Variants in DYM observed in about 807,000 individuals in gnomAD.
DYM encodes dymeclin.
In DYM, 78 loss-of-function variants were observed where a neutral mutation model predicts 93.1. That is an observed-to-expected ratio of 0.84 (90% CI 0.70 to 1.01). The LOEUF is 1.01. Among genes scored for constraint, DYM ranks in the 50% least tolerant of loss-of-function variants. The pLI is 0.00. For missense variants in DYM, 789 were observed against 845.0 expected, an observed-to-expected ratio of 0.93 and a Z score of 0.82; for synonymous variants, 321 against 319.7, an observed-to-expected ratio of 1.00 and a Z score of -0.04.
chr18:49,321,141 C>T (rs1049091420), intron 8 of DYM: 1 of 371,210 alleles, frequency 2.7e-6, no homozygotes, highest in Admixed American at 4.5e-5. Flanking sequence ...TCCATAATTT[C>T]AATTTTAATA....
Position 49,039,404 on chromosome 18 carries a change from T to C in DYM, c.*4651A>G, listed in dbSNP as rs890637045. On this transcript the variant is annotated 3_prime_UTR_variant, in exon 18 of 18. Coordinates refer to ENST00000675505, the MANE Select transcript of DYM (RefSeq NM_001353214.3). Reference sequence around the variant, plus strand: ...TGTGGGTTGTTTTTATTTATCCCACTTGGAGTTTGTGGGAGGGATTCTTGA... The same window carrying C: ...TGTGGGTTGTTTTTATTTATCCCACCTGGAGTTTGTGGGAGGGATTCTTGA... 6.6e-6 allele frequency among the ~76,000 whole-genome samples: 1 copy of C among 152,192 alleles called. No individual in the cohort carries two copies. Among genetic ancestry groups the C allele is most frequent in the African/African-American group, 2.4e-5 (1 of 41,460 alleles).
intron 17 of DYM, among the ~76,000 whole-genome samples, chr18:49,080,136 A>C: frequency 4.3e-5 from 1 of 23,400 alleles, no homozygotes; most frequent in Non-Finnish European, 8.0e-5. Flanking sequence ...TCCCTCCCGG[A>C]CGGGGCGGCT....
intron 1 of DYM, among the ~76,000 whole-genome samples, chr18:49,459,403 T>C (rs569350132): frequency 6.6e-5 from 10 of 152,232 alleles, no homozygotes; most frequent in African/African-American, 2.4e-4. Flanking sequence ...TATTCATAAA[T>C]TTCATCCTCT....
intron 15 of DYM, among the ~76,000 whole-genome samples, chr18:49,162,247 C>T (rs2087236591): frequency 1.3e-5 from 2 of 152,140 alleles, no homozygotes; most frequent in Admixed American, 6.5e-5. Context: ...CATTTTCTGT[C>T]GGTTAGAACA....
At chr18:49,183,425 C>T (rs8098271) in intron 14 of DYM, among the ~76,000 whole-genome samples, 6,010 of 152,010 alleles carry the variant, frequency 0.04, 385 homozygotes, top group African/African-American at 0.14. Context: ...CACATCAGTC[C>T]GCTCATCATT....
chr18:49,258,849 G>GAGAGAGAGATAGCAC (rs2094441439), intron 11 of DYM, among the ~76,000 whole-genome samples: 1 of 67,666 alleles, frequency 1.5e-5, no homozygotes, highest in African/African-American at 8.1e-5. Context: ...CAGAGAGAGA[G>GAGAGAGAGATAGCAC]AGAGAGAGAG....
At chr18:49,244,591 T>C (rs1319320716) in intron 13 of DYM, among the ~76,000 whole-genome samples, 1 of 152,178 alleles carries the variant, frequency 6.6e-6, no homozygotes, top group African/African-American at 2.4e-5. Flanking sequence ...GCTACTTCTC[T>C]GACATTTAGT....
intron 17 of DYM, among the ~76,000 whole-genome samples, chr18:49,054,392 C>A (rs1316844895): frequency 1.3e-5 from 2 of 152,074 alleles, no homozygotes; most frequent in Non-Finnish European, 2.9e-5. Context: ...GAGGGGCATG[C>A]CACTACGCCC....
chr18:49,181,309 T>C (rs1321480499), intron 14 of DYM, among the ~76,000 whole-genome samples: 1 of 152,176 alleles, frequency 6.6e-6, no homozygotes, highest in Non-Finnish European at 1.5e-5. Flanking sequence ...TATATGCCAA[T>C]GAAAAAATCT....
intron 13 of DYM, among the ~76,000 whole-genome samples, chr18:49,229,227 A>G (rs1486350936): frequency 6.6e-5 from 10 of 152,168 alleles, no homozygotes; most frequent in Non-Finnish European, 1.3e-4. Context: ...AATAAGAGGT[A>G]TAAGAACAGG....
intron 14 of DYM, among the ~76,000 whole-genome samples, chr18:49,202,910 G>T (rs1017366349): frequency 2.5e-4 from 35 of 137,832 alleles, no homozygotes; most frequent in Non-Finnish European, 3.0e-4. Flanking sequence ...GTTGGGGGGG[G>T]TCAGCCCCCC....
intron 6 of DYM, among the ~76,000 whole-genome samples, chr18:49,358,556 A>G (rs2065760912): frequency 6.6e-6 from 1 of 152,234 alleles, no homozygotes; most frequent in East Asian, 1.9e-4. Context: ...CCTTACGAAA[A>G]AAACTACAAA....
intron 5 of DYM, among the ~76,000 whole-genome samples, chr18:49,368,356 C>G (rs1417636510): frequency 6.6e-6 from 1 of 152,234 alleles, no homozygotes; most frequent in South Asian, 2.1e-4. Context: ...GACCAAAGAA[C>G]AGTTCAGGAA....
chr18:49,196,076 C>G (rs752789776), intron 14 of DYM, among the ~76,000 whole-genome samples: 1 of 151,908 alleles, frequency 6.6e-6, no homozygotes, highest in Non-Finnish European at 1.5e-5. Flanking sequence ...AGGCACCCAC[C>G]ACCACACCCG....
intron 13 of DYM, among the ~76,000 whole-genome samples, chr18:49,219,570 G>A (rs1290756611): frequency 5.9e-5 from 9 of 152,108 alleles, no homozygotes; most frequent in Non-Finnish European, 1.2e-4. Flanking sequence ...GATCAAGTGG[G>A]CTTCATCCCT....
At chr18:49,331,312 G>C (rs563431590) in intron 8 of DYM, among the ~76,000 whole-genome samples, 1 of 152,304 alleles carries the variant, frequency 6.6e-6, no homozygotes, top group Non-Finnish European at 1.5e-5. Context: ...GCAGAAATGA[G>C]GACTTATTGT....
chr18:49,373,216 C>T (rs1008254066), intron 5 of DYM, among the ~76,000 whole-genome samples: 23 of 151,938 alleles, frequency 1.5e-4, no homozygotes, highest in African/African-American at 2.4e-4. Context: ...TCTTGGATCT[C>T]GTGCAAGAAA....
At chr18:49,148,790 G>C (rs146685272) in intron 15 of DYM, among the ~76,000 whole-genome samples, 1 of 152,200 alleles carries the variant, frequency 6.6e-6, no homozygotes, top group Admixed American at 6.5e-5. Flanking sequence ...TTAGGGGTCT[G>C]TGAGGCTCCT....
At chr18:49,439,673 A>G (rs2081156698) in intron 1 of DYM, among the ~76,000 whole-genome samples, 1 of 152,302 alleles carries the variant, frequency 6.6e-6, no homozygotes, top group East Asian at 1.9e-4. Context: ...ACAATAATAT[A>G]TCATTTTTAC....
Sources: gnomAD v4.1 joint callset for allele counts (sites outside exome capture counted in the v4.1 genomes callset) on GRCh38, gnomAD v4.1.1 for gene constraint, MANE v1.5 for transcripts, NCBI Gene and HGNC (gene_info 2026-07-23, HGNC 2026-07-21) for gene names.